UGCG: variants seen among roughly 807,000 people sequenced by gnomAD.
UGCG encodes the protein ceramide glucosyltransferase.
In UGCG, 10 loss-of-function variants were observed where a neutral mutation model predicts 49.5. That is an observed-to-expected ratio of 0.20 (90% CI 0.12 to 0.34). The LOEUF is 0.34. Among genes scored for constraint, UGCG ranks in the 10% least tolerant of loss-of-function variants. The pLI is 1.00. For synonymous variants in UGCG, 182 were observed against 158.2 expected (o/e 1.15, Z -1.13); for missense variants, 312 against 483.7 (o/e 0.65, Z 3.33).
intron 2 of UGCG, among the ~76,000 whole-genome samples, chr9:111,922,269 A>C (rs975299495): frequency 1.3e-5 from 2 of 152,218 alleles, no homozygotes; most frequent in African/African-American, 4.8e-5. Context: ...GTCCATTCAA[A>C]TCAAATTCTG....
At chr9:111,918,063 G>A (rs1435373509) in intron 2 of UGCG, among the ~76,000 whole-genome samples, 1 of 151,252 alleles carries the variant, frequency 6.6e-6, no homozygotes, top group African/African-American at 2.4e-5. Flanking sequence ...TCCTTTTGAG[G>A]CAGAGTCTTG....
chr9:111,923,047 T>A, intron 3 of UGCG, 96 bp downstream of exon 3: 1 of 764,672 alleles, frequency 1.3e-6, no homozygotes, highest in Non-Finnish European at 2.0e-6. Context: ...TAGCCATGTT[T>A]GTTTTAAACA....
chr9:111,905,599 G>A (rs12555612), intron 1 of UGCG, among the ~76,000 whole-genome samples: 14,565 of 152,090 alleles, frequency 0.096, 1,150 homozygotes, highest in East Asian at 0.25. Context: ...GGGATTACAG[G>A]CGCACCACCG....
chr9:111,929,432 AAC>A, intron 5 of UGCG, 66 bp from the exon 6 acceptor site: 1 of 1,508,982 alleles, frequency 6.6e-7, no homozygotes, highest in South Asian at 1.3e-5. Context: ...CATTGGGAAA[AAC>A]AGTTCGTGAA....
chr9:111,914,537 C>A, intron 1 of UGCG, 68 bp from the exon 2 acceptor site: 1 of 1,455,056 alleles, frequency 6.9e-7, no homozygotes, highest in Non-Finnish European at 9.4e-7. Flanking sequence ...TTATTGATAG[C>A]TTGTCAGTGC....
At chr9:111,911,940 ATATAT>A (rs1196484936) in intron 1 of UGCG, among the ~76,000 whole-genome samples, 1 of 47,708 alleles carries the variant, frequency 2.1e-5, no homozygotes, top group Non-Finnish European at 3.9e-5. Context: ...ATATATATAT[ATATAT>A]ATATATATAT....
intron 5 of UGCG, among the ~76,000 whole-genome samples, chr9:111,928,244 G>C (rs1001193060): frequency 2.0e-5 from 3 of 152,132 alleles, no homozygotes. Context: ...TTGTCCTACT[G>C]CAAGAAATTG....
chr9:111,899,543 C>G (rs1837729856), intron 1 of UGCG, among the ~76,000 whole-genome samples: 1 of 152,070 alleles, frequency 6.6e-6, no homozygotes, highest in Non-Finnish European at 1.5e-5. Context: ...ATTCTTTTCC[C>G]CAGTCTGTTT....
chr9:111,914,645 T>A lies in UGCG; in HGVS notation c.139T>A (p.Tyr47Asn). Residue 47 changes from tyrosine to asparagine, a missense_variant, in exon 2 of 9, where the codon TAT becomes AAT. Tyr to Asn is a moderately radical substitution (Grantham distance 143, BLOSUM62 -2). Coordinates refer to ENST00000374279, the MANE Select transcript of UGCG (RefSeq NM_003358.3). ...LNKKATDKQP[Y>N]SKLPGVSLLK... ...CAAGAAGGCAACTGACAAACAGCCT[T>A]ATAGCAAGCTCCCAGGTGTCTCTCT... The A allele has an allele frequency of 6.2e-7, 1 of 1,614,130 alleles. No individual in the cohort carries two copies. Among genetic ancestry groups the A allele is most frequent in the Non-Finnish European group, 8.5e-7 (1 of 1,180,004 alleles).
At position 111,933,320 on chromosome 9, in the gene UGCG, G is replaced by A. The variant is rs147267681; in HGVS notation, c.*323G>A. 335 of 153,152 alleles carry A rather than the reference G, an allele frequency of 2.2e-3. 8 individuals carry two copies. In the East Asian group the frequency reaches 0.039, roughly 18 times the overall value. The allele number at this position is 153,152 out of a possible 1,614,324, so 9.5% of individuals were successfully genotyped here. A position where few individuals can be genotyped will look rare whatever the true frequency, so the allele number is the denominator to read the frequency against. On this transcript the variant is annotated 3_prime_UTR_variant, in exon 9 of 9. Coordinates refer to ENST00000374279, the MANE Select transcript of UGCG (RefSeq NM_003358.3). The stretch of plus-strand genomic sequence containing the variant: ...ATATAGATGCTCTGCAACAAACTCT[G>A]TGACAGTATCCTTCAGTAGAGAAAG...
intron 1 of UGCG, among the ~76,000 whole-genome samples, chr9:111,906,667 TGATC>T (rs1178414971): frequency 4.8e-4 from 73 of 152,208 alleles, no homozygotes; most frequent in African/African-American, 1.7e-3. Context: ...CAACCTCAGG[TGATC>T]CACCTGCCTC....
At position 111,933,043 on chromosome 9, in the gene UGCG, A is replaced by C; in HGVS notation, c.*46A>C. On this transcript the variant is annotated 3_prime_UTR_variant, in exon 9 of 9. Coordinates refer to ENST00000374279, the MANE Select transcript of UGCG (RefSeq NM_003358.3). Reference sequence around the variant, plus strand: ...ATAAAGGAAAAAAGAGAAGTATTATAAATTATGTTTATATAAATGCTTTTA... The same window carrying C: ...ATAAAGGAAAAAAGAGAAGTATTATCAATTATGTTTATATAAATGCTTTTA... 1.4e-6 allele frequency: 2 copies of C among 1,382,348 alleles called. No individual in the cohort carries two copies. The highest frequency in any genetic ancestry group is 1.9e-6 in the Non-Finnish European group (2 of 1,057,686). 85.6% of individuals were successfully genotyped at this position (1,382,348 alleles called of 1,614,324 possible).
intron 5 of UGCG, 149 bp from the exon 6 acceptor site, chr9:111,929,351 C>G: frequency 1.3e-6 from 1 of 754,416 alleles, no homozygotes; most frequent in South Asian, 2.6e-5. Context: ...GCAATATTGT[C>G]TACCACTTTT....
intron 8 of UGCG, 148 bp from the exon 9 acceptor site, chr9:111,932,679 G>A (rs1272798190): frequency 5.8e-5 from 40 of 688,860 alleles, no homozygotes; most frequent in Non-Finnish European, 7.6e-5. Flanking sequence ...TTTCTTGAAC[G>A]GTATAACATG....
At chr9:111,919,138 T>C (rs952992662) in intron 2 of UGCG, among the ~76,000 whole-genome samples, 2 of 152,198 alleles carry the variant, frequency 1.3e-5, no homozygotes, top group African/African-American at 4.8e-5. Context: ...TATTGTACTT[T>C]ATGGAATTGC....
In UGCG at chr9:111,933,651, A is replaced by C. The variant is rs1034043112; in HGVS notation, c.*654A>C. ...TATTTATATGAATCTGTGAGAGATA[A>C]TTTTTTTGGTCTCACTGCAATGAAC... On this transcript the variant is annotated 3_prime_UTR_variant, in exon 9 of 9. Coordinates refer to ENST00000374279, the MANE Select transcript of UGCG (RefSeq NM_003358.3). 1.3e-5 allele frequency: 2 copies of C among 152,176 alleles called. No individual in the cohort carries two copies. The highest frequency in any genetic ancestry group is 2.9e-5 in the Non-Finnish European group (2 of 68,016). The allele number at this position is 152,176 out of a possible 1,614,324, so 9.4% of individuals were successfully genotyped here. A position where few individuals can be genotyped will look rare whatever the true frequency, so the allele number is the denominator to read the frequency against.
chr9:111,917,969 T>C (rs1015549053), intron 2 of UGCG, among the ~76,000 whole-genome samples: 12 of 152,210 alleles, frequency 7.9e-5, no homozygotes, highest in Admixed American at 7.9e-4. Flanking sequence ...AATACCTAAA[T>C]CAACTATCAG....
At chr9:111,931,192 A>G (rs1838418567) in intron 6 of UGCG, 79 bp from the exon 7 acceptor site, 4 of 1,395,760 alleles carry the variant, frequency 2.9e-6, no homozygotes, top group African/African-American at 1.4e-5. Flanking sequence ...GGTCTTTATA[A>G]TGATTACTGA....
chr9:111,925,036 A>T (rs140074000), intron 4 of UGCG, among the ~76,000 whole-genome samples, 158 bp downstream of exon 4: 53 of 152,190 alleles, frequency 3.5e-4, no homozygotes, highest in African/African-American at 1.3e-3. Flanking sequence ...GCTTACTAAG[A>T]TTTTGATTTT....
Sources: allele counts gnomAD v4.1 joint callset (sites outside exome capture counted in the v4.1 genomes callset), GRCh38; gene constraint gnomAD v4.1.1; transcripts MANE v1.5; gene names NCBI Gene and HGNC (gene_info 2026-07-23, HGNC 2026-07-21).